RAPGEF5: variants seen among roughly 807,000 people sequenced by gnomAD.
RAPGEF5 encodes M-Ras-regulated GEF.
In RAPGEF5, 65 loss-of-function variants were observed where a neutral mutation model predicts 125.2. That is an observed-to-expected ratio of 0.52 (90% CI 0.43 to 0.64). The LOEUF is 0.64. RAPGEF5 is among the 30% of genes least tolerant of loss of function. RAPGEF5 has a pLI of 0.00. For missense variants in RAPGEF5, 958 were observed against 1,048.1 expected, an observed-to-expected ratio of 0.91 and a Z score of 1.19; for synonymous variants, 391 against 385.9, an observed-to-expected ratio of 1.01 and a Z score of -0.16.
intron 1 of RAPGEF5, among the ~76,000 whole-genome samples, chr7:22,346,442 A>T (rs150138807): frequency 6.6e-6 from 1 of 151,334 alleles, no homozygotes; most frequent in African/African-American, 2.4e-5. Flanking sequence ...GCACAATATA[A>T]TGAGTCAACC....
intron 7 of RAPGEF5, among the ~76,000 whole-genome samples, chr7:22,246,817 G>A (rs1786489119): frequency 6.6e-6 from 1 of 152,138 alleles, no homozygotes; most frequent in Non-Finnish European, 1.5e-5. Flanking sequence ...GAAAATATTT[G>A]CAAACAGTGC....
At chr7:22,315,338 A>G in intron 3 of RAPGEF5, 32 bp downstream of exon 3, 2 of 1,528,314 alleles carry the variant, frequency 1.3e-6, no homozygotes, top group Non-Finnish European at 1.8e-6. Context: ...CTCAAAGAGA[A>G]TTTCTGACAA....
intron 7 of RAPGEF5, among the ~76,000 whole-genome samples, chr7:22,259,086 A>G (rs964950688): frequency 2.0e-5 from 3 of 152,232 alleles, no homozygotes; most frequent in Non-Finnish European, 4.4e-5. Context: ...AGCTATGGAG[A>G]GAAAATATTT....
chr7:22,190,574 A>C (rs1228441672), intron 11 of RAPGEF5, among the ~76,000 whole-genome samples: 5 of 152,186 alleles, frequency 3.3e-5, no homozygotes, highest in Non-Finnish European at 5.9e-5. Flanking sequence ...GCCTTATCTT[A>C]ATAGCCCTGG....
chr7:22,332,774 C>T (rs1403632245), intron 1 of RAPGEF5, among the ~76,000 whole-genome samples: 1 of 152,206 alleles, frequency 6.6e-6, no homozygotes, highest in Non-Finnish European at 1.5e-5. Flanking sequence ...AATCACAGTC[C>T]TATTAACCAA....
At chr7:22,147,354 C>T (rs1239695681) in intron 18 of RAPGEF5, among the ~76,000 whole-genome samples, 1 of 152,168 alleles carries the variant, frequency 6.6e-6, no homozygotes, top group Non-Finnish European at 1.5e-5. Context: ...CCCGAAATCA[C>T]TTTGGCTTCT....
intron 1 of RAPGEF5, among the ~76,000 whole-genome samples, chr7:22,319,493 G>T (rs1477345308): frequency 6.6e-6 from 1 of 152,140 alleles, no homozygotes; most frequent in Non-Finnish European, 1.5e-5. Flanking sequence ...AAGATGTGTA[G>T]CTTGATTCAA....
chr7:22,297,138 T>C (rs768857024), intron 5 of RAPGEF5, among the ~76,000 whole-genome samples: 17 of 152,202 alleles, frequency 1.1e-4, no homozygotes, highest in East Asian at 3.9e-4. Context: ...GAGGGAGATA[T>C]AGGGAAATAT....
intron 18 of RAPGEF5, among the ~76,000 whole-genome samples, chr7:22,149,268 T>C (rs1192169228): frequency 6.6e-6 from 1 of 152,240 alleles, no homozygotes; most frequent in Non-Finnish European, 1.5e-5. Flanking sequence ...AAAATGTCTT[T>C]CCAGTAGACA....
chr7:22,127,108 G>C (rs548552324), intron 24 of RAPGEF5, among the ~76,000 whole-genome samples: 1 of 144,028 alleles, frequency 6.9e-6, no homozygotes, highest in South Asian at 2.2e-4. Flanking sequence ...GCGTGATCTC[G>C]GCTCACTGCA....
intron 11 of RAPGEF5, among the ~76,000 whole-genome samples, chr7:22,190,828 A>T (rs1161395912): frequency 2.6e-5 from 4 of 152,200 alleles, no homozygotes; most frequent in Non-Finnish European, 4.4e-5. Context: ...GAACAGGCTC[A>T]TCCCAGCCTC....
intron 23 of RAPGEF5, among the ~76,000 whole-genome samples, chr7:22,131,939 G>T (rs764106203): frequency 2.0e-5 from 3 of 152,122 alleles, no homozygotes; most frequent in Non-Finnish European, 2.9e-5. Context: ...GGATCAGAGG[G>T]TGGATGACAG....
At chr7:22,194,726 C>T (rs776772667) in intron 9 of RAPGEF5, 257 of 985,308 alleles carry the variant, frequency 2.6e-4, no homozygotes, top group Non-Finnish European at 2.9e-4. Context: ...ACTTTCTTCA[C>T]CTCAGTCCCT....
chr7:22,131,702 G>T (rs1466644724), intron 23 of RAPGEF5, among the ~76,000 whole-genome samples: 6 of 152,194 alleles, frequency 3.9e-5, no homozygotes, highest in African/African-American at 1.4e-4. Flanking sequence ...CATCACTGAT[G>T]AAAATAAAAG....
chr7:22,198,256 C>T (rs1353578406), intron 9 of RAPGEF5, among the ~76,000 whole-genome samples: 1 of 152,172 alleles, frequency 6.6e-6, no homozygotes, highest in African/African-American at 2.4e-5. Context: ...AAGGAGGGAT[C>T]GTCAAACTCT....
chr7:22,164,192 A>G (rs1264661522), intron 12 of RAPGEF5, among the ~76,000 whole-genome samples: 1 of 152,090 alleles, frequency 6.6e-6, no homozygotes, highest in Non-Finnish European at 1.5e-5. Flanking sequence ...TTAACTGGGT[A>G]TGGTGATGGG....
At chr7:22,276,925 G>A (rs1423325462) in intron 6 of RAPGEF5, among the ~76,000 whole-genome samples, 1 of 152,172 alleles carries the variant, frequency 6.6e-6, no homozygotes, top group African/African-American at 2.4e-5. Context: ...CAGAAGAAAG[G>A]ACATATCCAG....
At chr7:22,132,279 C>T (rs1301478104) in intron 23 of RAPGEF5, among the ~76,000 whole-genome samples, 2 of 152,136 alleles carry the variant, frequency 1.3e-5, no homozygotes, top group East Asian at 1.9e-4. Context: ...AATAGTTACA[C>T]AGTTACAGCA....
intron 6 of RAPGEF5, among the ~76,000 whole-genome samples, chr7:22,290,339 G>A (rs1334272358): frequency 6.6e-6 from 1 of 152,214 alleles, no homozygotes; most frequent in Non-Finnish European, 1.5e-5. Flanking sequence ...AGGATTGCTA[G>A]AGCCTGTCAA....
Sources: allele counts gnomAD v4.1 joint callset (sites outside exome capture counted in the v4.1 genomes callset), GRCh38; gene constraint gnomAD v4.1.1; transcripts MANE v1.5; gene names NCBI Gene and HGNC (gene_info 2026-07-23, HGNC 2026-07-21).